ERBB4: variants seen among roughly 807,000 people sequenced by gnomAD.
The protein encoded by ERBB4 is receptor tyrosine-protein kinase erbB-4.
A neutral mutation model predicts 158.0 loss-of-function variants in ERBB4; 42 were observed. The observed-to-expected ratio is 0.27, with a 90% CI of 0.21 to 0.34. The LOEUF (loss-of-function observed/expected upper bound fraction) is 0.34, where lower values mean the gene tolerates loss of function less well. Among genes scored for constraint, ERBB4 ranks in the 10% least tolerant of loss-of-function variants. The probability of loss-of-function intolerance (pLI) is 1.00; values close to 1 mark genes in which losing one functional copy is unlikely to be tolerated. For synonymous variants in ERBB4, 583 were observed against 558.7 expected (o/e 1.04, Z -0.61); for missense variants, 1,333 against 1,624.1 (o/e 0.82, Z 3.08).
chr2:212,314,561 A>T (rs115962666), intron 1 of ERBB4, among the ~76,000 whole-genome samples: 5,686 of 151,180 alleles, frequency 0.038, 343 homozygotes, highest in African/African-American at 0.13. Context: ...ATAGAATTTT[A>T]AAAAAAATCC....
At chr2:212,209,007 A>G (rs1487657902) in intron 1 of ERBB4, among the ~76,000 whole-genome samples, 1 of 152,156 alleles carries the variant, frequency 6.6e-6, no homozygotes, top group African/African-American at 2.4e-5. Flanking sequence ...TAAAACTTAA[A>G]TCAGCTTGTA....
intron 15 of ERBB4, among the ~76,000 whole-genome samples, chr2:211,661,090 AGTT>A (rs1489428249): frequency 6.6e-6 from 1 of 152,060 alleles, no homozygotes; most frequent in African/African-American, 2.4e-5. Context: ...GGTCAAGAAA[AGTT>A]GTTGAGGGGA....
intron 2 of ERBB4, among the ~76,000 whole-genome samples, chr2:212,053,806 T>C (rs1199515948): frequency 2.0e-5 from 3 of 152,236 alleles, no homozygotes; most frequent in Non-Finnish European, 4.4e-5. Flanking sequence ...ATCTTACGCA[T>C]ATTCAGGTTT....
At chr2:212,363,972 A>T (rs964609880) in intron 1 of ERBB4, among the ~76,000 whole-genome samples, 1 of 151,766 alleles carries the variant, frequency 6.6e-6, no homozygotes. Context: ...TGTTGAATAT[A>T]ATAAGAACTG....
At chr2:212,071,689 G>A (rs1390406534) in intron 2 of ERBB4, among the ~76,000 whole-genome samples, 1 of 151,926 alleles carries the variant, frequency 6.6e-6, no homozygotes, top group East Asian at 1.9e-4. Flanking sequence ...TGTCTTTTTG[G>A]TTTTTGTCAT....
intron 7 of ERBB4, among the ~76,000 whole-genome samples, chr2:211,721,310 A>G (rs2074082048): frequency 6.6e-6 from 1 of 152,122 alleles, no homozygotes; most frequent in Non-Finnish European, 1.5e-5. Context: ...ACTGTATCAC[A>G]TACACAAAGT....
intron 1 of ERBB4, among the ~76,000 whole-genome samples, chr2:212,192,028 ATG>A (rs1215052038): frequency 5.6e-5 from 1 of 17,850 alleles, no homozygotes; most frequent in African/African-American, 1.7e-4. Context: ...TATGTTATAT[ATG>A]TTATATGTTA....
intron 1 of ERBB4, among the ~76,000 whole-genome samples, chr2:212,140,818 T>A (rs1165497882): frequency 6.6e-6 from 1 of 150,384 alleles, no homozygotes; most frequent in Non-Finnish European, 1.5e-5. Context: ...ACAAACCAAT[T>A]TCCCACCTGA....
At chr2:212,003,316 G>T (rs2076182313) in intron 2 of ERBB4, among the ~76,000 whole-genome samples, 1 of 108,346 alleles carries the variant, frequency 9.2e-6, no homozygotes, top group Non-Finnish European at 2.3e-5. Flanking sequence ...TTGACCAGCT[G>T]AATGGTAAAA....
intron 3 of ERBB4, among the ~76,000 whole-genome samples, chr2:211,891,927 C>T (rs1308194280): frequency 7.3e-6 from 1 of 136,964 alleles, no homozygotes; most frequent in African/African-American, 3.0e-5. Context: ...AGTTTACCAA[C>T]CAAAAAGAGT....
Position 212,165,197 on chromosome 2 carries a change from G to T in ERBB4, c.83-40294C>A, listed in dbSNP as rs553285565. Among the ~76,000 whole-genome samples, 5 of 151,918 alleles carry T rather than the reference G, an allele frequency of 3.3e-5. No homozygotes were observed. The South Asian group carries it at 8.3e-4, about 25-fold the overall frequency. On this transcript the variant is annotated intron_variant, in intron 1 of 27. Transcript: ENST00000342788. ...AATCAGCTAGGATTAAGATGAAACT[G>T]GTTCAATGAGTCATGCAAGTTGCGA...
intron 19 of ERBB4, among the ~76,000 whole-genome samples, chr2:211,603,146 G>A (rs1317191976): frequency 1.3e-5 from 2 of 152,084 alleles, no homozygotes; most frequent in East Asian, 1.9e-4. Context: ...CAGGAGAATC[G>A]CTTGAACCCG....
chr2:212,411,067 GCTTAAA>G (rs1177081327), intron 1 of ERBB4, among the ~76,000 whole-genome samples: 2 of 152,034 alleles, frequency 1.3e-5, no homozygotes, highest in African/African-American at 4.8e-5. Context: ...AAGTAAAATG[GCTTAAA>G]CTATTTCATT....
Position 211,947,992 on chromosome 2 carries a change from T to C in ERBB4, c.235-376A>G, listed in dbSNP as rs376020597. On this transcript the variant is annotated intron_variant, in intron 2 of 27. Transcript: ENST00000342788. ...GTCAAACTTTAAATAAAAAAGCATA[T>C]TGGTGAGCCTAAGTAAAACAAAGCC... 1.2e-4 allele frequency among the ~76,000 whole-genome samples: 19 copies of C among 152,238 alleles called. No homozygotes were observed. The East Asian group carries it at 3.5e-3, about 28-fold the overall frequency.
chr2:212,383,167 G>T (rs1360571019), intron 1 of ERBB4, among the ~76,000 whole-genome samples: 3 of 151,088 alleles, frequency 2.0e-5, no homozygotes, highest in African/African-American at 7.3e-5. Context: ...ATTTTGCATT[G>T]AATTTATATT....
intron 1 of ERBB4, among the ~76,000 whole-genome samples, chr2:212,325,595 C>T (rs2087788041): frequency 6.6e-6 from 1 of 150,492 alleles, no homozygotes; most frequent in Non-Finnish European, 1.5e-5. Context: ...TTAGTTCGAA[C>T]TGTGGGGAAA....
intron 1 of ERBB4, among the ~76,000 whole-genome samples, chr2:212,512,153 G>A (rs114795567): frequency 0.01 from 1,525 of 152,190 alleles, 24 homozygotes; most frequent in African/African-American, 0.035. Context: ...AGTTTATTCT[G>A]CCAGCAAGGA....
At chr2:211,814,937 T>C (rs1217566923) in intron 3 of ERBB4, among the ~76,000 whole-genome samples, 4 of 152,188 alleles carry the variant, frequency 2.6e-5, no homozygotes, top group African/African-American at 9.7e-5. Context: ...CATTACAAAC[T>C]GATGGAAACA....
chr2:212,156,415 G>C (rs755052666), intron 1 of ERBB4, among the ~76,000 whole-genome samples: 1 of 152,042 alleles, frequency 6.6e-6, no homozygotes, highest in Non-Finnish European at 1.5e-5. Context: ...TAGAAGTGGT[G>C]GATAGGAAAA....
Sources: allele counts gnomAD v4.1 joint callset (sites outside exome capture counted in the v4.1 genomes callset), GRCh38; gene constraint gnomAD v4.1.1; transcripts MANE v1.5; gene names NCBI Gene and HGNC (gene_info 2026-07-23, HGNC 2026-07-21).